Variants in SANBR observed in about 807,000 individuals in gnomAD.
The protein encoded by SANBR is SANT and BTB domain regulator of class switch recombination.
In SANBR, 77 loss-of-function variants were observed where a neutral mutation model predicts 101.8. That is an observed-to-expected ratio of 0.76 (90% CI 0.63 to 0.91). SANBR has a LOEUF of 0.91. SANBR is among the 40% of genes least tolerant of loss of function. The pLI is 0.00. For missense variants in SANBR, 875 were observed against 853.0 expected, an observed-to-expected ratio of 1.03 and a Z score of -0.32; for synonymous variants, 279 against 274.7, an observed-to-expected ratio of 1.02 and a Z score of -0.15.
chr2:61,112,827 GT>G (rs1477997677), intron 16 of SANBR, among the ~76,000 whole-genome samples: 1 of 152,132 alleles, frequency 6.6e-6, no homozygotes, highest in African/African-American at 2.4e-5. Context: ...AAGAGCTAAA[GT>G]TTTAAATTTT....
chr2:61,081,239 T>C (rs1209356581), intron 6 of SANBR, among the ~76,000 whole-genome samples: 1 of 152,160 alleles, frequency 6.6e-6, no homozygotes, highest in Non-Finnish European at 1.5e-5. Context: ...TATATGAATC[T>C]AACGCCAGGG....
intron 21 of SANBR, 57 bp downstream of exon 21, chr2:61,121,333 T>C (rs1684323022): frequency 3.3e-6 from 4 of 1,214,080 alleles, no homozygotes; most frequent in Non-Finnish European, 4.7e-6. Context: ...ATTTTTTTTT[T>C]AAGATAAATC....
chr2:61,097,930 A>C (rs934237078), intron 12 of SANBR, 78 bp downstream of exon 12: 1 of 1,168,462 alleles, frequency 8.6e-7, no homozygotes, highest in African/African-American at 1.5e-5. Flanking sequence ...AAAGACTTCA[A>C]ACAATACATA....
rs1021737310 is a variant in SANBR at position 61,123,027 on chromosome 2, T to C, written c.*865T>C. The stretch of plus-strand genomic sequence containing the variant: ...AAAACAGTTATACTTGCTAGTTCGG[T>C]CTAAAATTTTCCAAATACATTAGAT... On this transcript the variant is annotated 3_prime_UTR_variant, in exon 22 of 22. Coordinates refer to ENST00000402291, the MANE Select transcript of SANBR (RefSeq NM_001129993.3). The C allele has an allele frequency of 2.0e-6, 2 of 979,536 alleles. No homozygotes were observed. Among genetic ancestry groups the C allele is most frequent in the African/African-American group, 3.5e-5 (2 of 57,112 alleles). 60.7% of individuals were successfully genotyped at this position (979,536 alleles called of 1,614,324 possible).
At chr2:61,107,712 C>A (rs887978898) in intron 14 of SANBR, among the ~76,000 whole-genome samples, 5 of 152,060 alleles carry the variant, frequency 3.3e-5, no homozygotes, top group Admixed American at 2.0e-4. Flanking sequence ...ATGGCGAAAC[C>A]CTGTCTTTAC....
Position 61,088,218 on chromosome 2 carries a change from C to G in SANBR, c.950C>G (p.Ser317Cys), listed in dbSNP as rs1682547341. The change falls in exon 9 of 22, where the codon TCT (serine) becomes TGT (cysteine). Residue 317 changes from serine (S) to cysteine (C), a missense_variant. Physicochemically the swap from Ser to Cys is moderately radical, Grantham distance 112 (BLOSUM62 -1). Transcript: ENST00000402291. ...GATCCTGAGTACTTGAATCCAGATTCTCGGAGTAATGCAGCAACATTGTAT... is the reference window on the plus strand; with the variant it reads ...GATCCTGAGTACTTGAATCCAGATTGTCGGAGTAATGCAGCAACATTGTAT... ...LFDPEYLNPD[S>C]RSNAATLYRC... 3 of 1,609,614 alleles carry G rather than the reference C, an allele frequency of 1.9e-6. No homozygotes were observed. Among genetic ancestry groups the G allele is most frequent in the African/African-American group, 1.3e-5 (1 of 74,840 alleles).
chr2:61,117,028 G>A (rs1684108250), intron 17 of SANBR: 1 of 324,254 alleles, frequency 3.1e-6, no homozygotes. Flanking sequence ...CTGCACTCCA[G>A]CCTGGGCAAC....
intron 12 of SANBR, among the ~76,000 whole-genome samples, chr2:61,101,101 G>C (rs1221796263): frequency 1.3e-5 from 2 of 152,092 alleles, no homozygotes; most frequent in Non-Finnish European, 2.9e-5. Flanking sequence ...AGTTTTATTG[G>C]TGAGGTAATG....
intron 12 of SANBR, among the ~76,000 whole-genome samples, chr2:61,101,844 C>G (rs1024556442): frequency 1.3e-5 from 2 of 151,620 alleles, no homozygotes; most frequent in African/African-American, 4.8e-5. Flanking sequence ...CAAGACCAGC[C>G]TGGCCAACAT....
At chr2:61,093,441 C>T (rs1182780076) in intron 11 of SANBR, 1 of 151,140 alleles carries the variant, frequency 6.6e-6, no homozygotes, top group Non-Finnish European at 1.5e-5. Context: ...ACTAAAAACG[C>T]AAAATTAGCC....
intron 20 of SANBR, among the ~76,000 whole-genome samples, chr2:61,130,443 C>T (rs556981864): frequency 2.7e-3 from 418 of 152,268 alleles, no homozygotes; most frequent in African/African-American, 9.4e-3. Flanking sequence ...CCAGACATCA[C>T]TAGACAAAGG....
At chr2:61,094,397 C>T (rs1330915396) in intron 11 of SANBR, among the ~76,000 whole-genome samples, 2 of 152,110 alleles carry the variant, frequency 1.3e-5, no homozygotes, top group Admixed American at 6.6e-5. Context: ...TTGAATCTAG[C>T]TTCCTTCACT....
intron 3 of SANBR, among the ~76,000 whole-genome samples, chr2:61,071,198 T>C (rs1681446529): frequency 6.6e-6 from 1 of 152,162 alleles, no homozygotes; most frequent in Non-Finnish European, 1.5e-5. Flanking sequence ...AAAAAGTAAT[T>C]GTTGAAAAAT....
At chr2:61,086,297 G>C (rs1417494739) in intron 8 of SANBR, among the ~76,000 whole-genome samples, 3 of 151,626 alleles carry the variant, frequency 2.0e-5, no homozygotes, top group African/African-American at 4.8e-5. Context: ...CAAAGTTTTG[G>C]AATTAACAAG....
At chr2:61,117,990 C>T (rs1424377973) in intron 19 of SANBR, 38 bp from the exon 20 acceptor site, 2 of 1,479,864 alleles carry the variant, frequency 1.4e-6, no homozygotes, top group Admixed American at 1.8e-5. Flanking sequence ...ATATATCATC[C>T]TTATGAAAAG....
chr2:61,134,387 CT>C (rs1334073201), intron 21 of SANBR: 1 of 1,077,378 alleles, frequency 9.3e-7, no homozygotes, highest in African/African-American at 1.6e-5. Context: ...ATTCCCCCAC[CT>C]AGATGGTTGC....
chr2:61,122,101 C>T (rs754420946), intron 21 of SANBR, 25 bp from the exon 22 acceptor site: 1 of 1,548,490 alleles, frequency 6.5e-7, no homozygotes, highest in African/African-American at 1.4e-5. Flanking sequence ...CAATTCTGAC[C>T]TCCTTTTCTG....
At position 61,124,090 on chromosome 2, in the gene SANBR, A is replaced by G. The variant is rs1173033166; in HGVS notation, c.*1928A>G. 2.2e-6 allele frequency: 2 copies of G among 908,732 alleles called. No homozygotes were observed. Among genetic ancestry groups the G allele is most frequent in the East Asian group, 1.2e-4 (1 of 8,586 alleles). 56.3% of individuals were successfully genotyped at this position (908,732 alleles called of 1,614,324 possible). A position where few individuals can be genotyped will look rare whatever the true frequency, so the allele number is the denominator to read the frequency against. On this transcript the variant is annotated 3_prime_UTR_variant, in exon 22 of 22. Transcript: ENST00000402291. ...AGCCTGGGTGACAGAGCAAGACTCC[A>G]TCTCAATTTAAAACAAAAAAAGAAT...
intron 16 of SANBR, among the ~76,000 whole-genome samples, chr2:61,109,665 T>A (rs1223662741): frequency 1.3e-5 from 2 of 149,694 alleles, no homozygotes; most frequent in African/African-American, 4.9e-5. Flanking sequence ...GTGGAAAGCA[T>A]GTTTTTTTTG....
Sources: allele counts gnomAD v4.1 joint callset (sites outside exome capture counted in the v4.1 genomes callset), GRCh38; gene constraint gnomAD v4.1.1; transcripts MANE v1.5; gene names NCBI Gene and HGNC (gene_info 2026-07-23, HGNC 2026-07-21).